The following CRLF1 variants were observed in gnomAD, a reference collection of about 807,000 sequenced individuals.
CRLF1 encodes the protein cytokine receptor like factor 1, also known as cytokine receptor-like factor 1.
A neutral mutation model predicts 48.9 loss-of-function variants in CRLF1; 36 were observed. The observed-to-expected ratio is 0.74, with a 90% CI of 0.56 to 0.97. CRLF1 has a LOEUF of 0.97. Ranked by LOEUF, CRLF1 falls within the 50% of genes least tolerant of loss-of-function variation. The pLI is 0.00. For missense variants in CRLF1, 534 were observed against 575.1 expected (o/e 0.93, Z 0.73); for synonymous variants, 256 against 253.4 (o/e 1.01, Z -0.10).
At chr19:18,599,257 C>G (rs1444529380) in intron 2 of CRLF1, 1 of 367,914 alleles carries the variant, frequency 2.7e-6, no homozygotes, top group Middle Eastern at 1.4e-3. Context: ...AGGTGCCTGT[C>G]AGCACGCCTG....
At chr19:18,594,032 T>TTTGGGGC in intron 8 of CRLF1, 33 bp downstream of exon 8, 2 of 695,804 alleles carry the variant, frequency 2.9e-6, no homozygotes, top group Non-Finnish European at 4.4e-6. Context: ...CTCCCCTTGC[T>TTTGGGGC]CCCTCCCGCC....
At chr19:18,604,996 G>T (rs960020245) in intron 1 of CRLF1, among the ~76,000 whole-genome samples, 1 of 152,110 alleles carries the variant, frequency 6.6e-6, no homozygotes, top group African/African-American at 2.4e-5. Flanking sequence ...CCCATCTCCC[G>T]TCCCGCTGGT....
intron 4 of CRLF1, among the ~76,000 whole-genome samples, chr19:18,597,667 C>T (rs968232405): frequency 6.6e-5 from 10 of 152,028 alleles, no homozygotes; most frequent in African/African-American, 1.4e-4. Context: ...CTCCTGACCT[C>T]GTGATCCGCC....
chr19:18,594,228 G>A lies in CRLF1; in HGVS notation c.1212+19C>T, dbSNP rs1373843662. On this transcript the variant is annotated intron_variant, in intron 7 of 8. Transcript: ENST00000392386. ...GCTCCCTGTCCCCACCCCCACGCCC[G>A]AGGGTCCCTCCTTCCTACCTGGTTG... 3 of 1,585,554 alleles carry A rather than the reference G, an allele frequency of 1.9e-6. No individual in the cohort carries two copies. The highest frequency in any genetic ancestry group is 2.6e-6 in the Non-Finnish European group (3 of 1,161,732).
At position 18,598,890 on chromosome 19, in the gene CRLF1, T is replaced by TCTCTGGGGG; in HGVS notation, c.400_408dup (p.Pro134_Glu136dup). 6.2e-7 allele frequency: 1 copy of TCTCTGGGGG among 1,613,868 alleles called. No individual in the cohort carries two copies. Among genetic ancestry groups the TCTCTGGGGG allele is most frequent in the Non-Finnish European group, 8.5e-7 (1 of 1,179,934 alleles). On this transcript the variant is annotated inframe_insertion, in exon 3 of 9. Transcript: ENST00000392386. ...GACCAGCAGCTGATGTTGACGGGTT[T>TCTCTGGGGG]CTCTGGGGGCACTGGGAGAAGGGGA...
intron 6 of CRLF1, among the ~76,000 whole-genome samples, chr19:18,594,763 CAT>C (rs1976108523): frequency 2.0e-5 from 3 of 151,622 alleles, no homozygotes; most frequent in Admixed American, 2.0e-4. Context: ...GGGGATGAGA[CAT>C]AGAGATAGAC....
Position 18,598,543 on chromosome 19 carries a change from G to A in CRLF1, c.586C>T (p.His196Tyr). Reference protein sequence around the residue: ...EYHTVGPHSCHIPKDLALFTP... With the variant: ...EYHTVGPHSCYIPKDLALFTP... ...AAGAGAGCCAGGTCCTTGGGGATGTGGCAGGAGTGGGGCCCCACTGTGTGG... is the reference window on the plus strand; with the variant it reads ...AAGAGAGCCAGGTCCTTGGGGATGTAGCAGGAGTGGGGCCCCACTGTGTGG... Residue 196 changes from histidine (H) to tyrosine (Y), a missense_variant, in exon 4 of 9, where the codon CAC becomes TAC. Coordinates refer to ENST00000392386, the MANE Select transcript of CRLF1 (RefSeq NM_004750.5). 6.2e-7 allele frequency: 1 copy of A among 1,614,132 alleles called. No homozygotes were observed. Among genetic ancestry groups the A allele is most frequent in the Non-Finnish European group, 8.5e-7 (1 of 1,179,996 alleles).
At chr19:18,605,481 G>C (rs887308896) in intron 1 of CRLF1, among the ~76,000 whole-genome samples, 1 of 152,216 alleles carries the variant, frequency 6.6e-6, no homozygotes, top group African/African-American at 2.4e-5. Flanking sequence ...GAACATCTGG[G>C]GCGAGTGGTG....
In CRLF1 at chr19:18,598,812, T is replaced by C. The variant is rs1393852610; in HGVS notation, c.487A>G (p.Thr163Ala). 3 of 1,613,802 alleles carry C rather than the reference T, an allele frequency of 1.9e-6. No homozygotes were observed. The highest frequency in any genetic ancestry group is 2.5e-6 in the Non-Finnish European group (3 of 1,179,922). Residue 163 changes from threonine to alanine, a missense_variant, in exon 3 of 9, where the codon ACC (threonine) becomes GCC (alanine). By Grantham distance (58) the Thr-to-Ala change is moderately conservative. This residue lies in a region of CRLF1 where 528 missense variants were observed against 555.7 expected (regional missense o/e 0.95). Coordinates refer to ENST00000392386, the MANE Select transcript of CRLF1 (RefSeq NM_004750.5). Reference protein sequence around the residue: ...CRWTPGAHGETFLHTNYSLKY... With the variant: ...CRWTPGAHGEAFLHTNYSLKY... ...AGGGAGTAGTTGGTGTGGAGGAAGG[T>C]CTCCCCGTGGGCCCCTGGCGTCCAG... is the stretch of plus-strand genomic sequence containing the variant.
rs748473690 is a variant in CRLF1 at position 18,599,842 on chromosome 19, T to A, written c.120A>T (p.Thr40=). The part of the protein sequence containing the change: ...GAPRAGSGAH[T]AVISPQDPTL... The stretch of plus-strand genomic sequence containing the variant: ...TGGGATCCTGGGGACTGATCACAGC[T>A]GTGTCTGGGGTCAAAGAGGAACACG... The change falls in exon 2 of 9, where the codon ACA becomes ACT. Residue 40 remains threonine (T), a synonymous_variant. Coordinates refer to ENST00000392386, the MANE Select transcript of CRLF1 (RefSeq NM_004750.5). The A allele has an allele frequency of 3.3e-6, 5 of 1,529,452 alleles. No homozygotes were observed. In the African/African-American group the frequency reaches 5.5e-5, roughly 17 times the overall value. 94.7% of individuals were successfully genotyped at this position (1,529,452 alleles called of 1,614,324 possible). A position where few individuals can be genotyped will look rare whatever the true frequency, so the allele number is the denominator to read the frequency against.
intron 1 of CRLF1, among the ~76,000 whole-genome samples, chr19:18,600,248 G>A (rs935662810): frequency 5.9e-5 from 9 of 152,168 alleles, no homozygotes; most frequent in African/African-American, 2.2e-4. Context: ...GCCCAGGCTG[G>A]AGTGCAGTGG....
intron 8 of CRLF1, 186 bp downstream of exon 8, chr19:18,593,879 G>C (rs1450752899): frequency 1.0e-6 from 1 of 984,352 alleles, no homozygotes; most frequent in East Asian, 1.1e-4. Context: ...TAGGCTAAAG[G>C]AGACAATGCC....
chr19:18,593,718 C>T lies in CRLF1; in HGVS notation c.1256-139G>A, dbSNP rs7256319. 0.59 allele frequency: 891,915 copies of T among 1,520,116 alleles called. 263,778 individuals are homozygous for T. The highest frequency in any genetic ancestry group is 0.72 in the African/African-American group (51,915 of 72,600). The allele number at this position is 1,520,116 out of a possible 1,614,324, so 94.2% of individuals were successfully genotyped here. ...CTTTGGGCAGGGTCCTGCCCCTCTC[C>T]GGGCCTTGGCGAGGCTATCTGAGCT... On this transcript the variant is annotated intron_variant, in intron 8 of 8. Transcript: ENST00000392386.
intron 4 of CRLF1, among the ~76,000 whole-genome samples, 192 bp from the exon 5 acceptor site, chr19:18,597,241 T>C (rs1395982533): frequency 6.6e-6 from 1 of 152,132 alleles, no homozygotes; most frequent in East Asian, 1.9e-4. Flanking sequence ...CTAATTAATG[T>C]TAGCTGTTAT....
chr19:18,599,210 A>T (rs930184585), intron 2 of CRLF1: 229 of 681,748 alleles, frequency 3.4e-4, no homozygotes, highest in Non-Finnish European at 4.0e-4. Context: ...GGTTCAAGCA[A>T]TTCTCCTGTC....
rs1382993316 is a variant in CRLF1, at chr19:18,599,846, T to C, written c.116A>G (p.His39Arg). ...ATCCTGGGGACTGATCACAGCTGTG[T>C]CTGGGGTCAAAGAGGAACACGTGTC... ...LGAPRAGSGA[H>R]TAVISPQDPT... The change falls in exon 2 of 9, where the codon CAC (histidine) becomes CGC (arginine). Residue 39 changes from histidine to arginine, a missense_variant and splice_region_variant. Transcript: ENST00000392386. 6.6e-7 allele frequency: 1 copy of C among 1,522,836 alleles called. No individual in the cohort carries two copies. Among genetic ancestry groups the C allele is most frequent in the East Asian group, 2.3e-5 (1 of 43,570 alleles). The allele number at this position is 1,522,836 out of a possible 1,614,324, so 94.3% of individuals were successfully genotyped here.
At chr19:18,594,960 G>C (rs2145327488) in intron 6 of CRLF1, among the ~76,000 whole-genome samples, 1 of 152,200 alleles carries the variant, frequency 6.6e-6, no homozygotes, top group East Asian at 1.9e-4. Flanking sequence ...TCGAGACAGA[G>C]ACACAGAGGA....
In CRLF1 at chr19:18,594,457, T is replaced by G. The variant is rs1014306022; in HGVS notation, c.1025-23A>C. 3 of 1,333,330 alleles carry G rather than the reference T, an allele frequency of 2.3e-6. No homozygotes were observed. The South Asian group carries it at 6.2e-5, about 27-fold the overall frequency. 82.6% of individuals were successfully genotyped at this position (1,333,330 alleles called of 1,614,324 possible). A position where few individuals can be genotyped will look rare whatever the true frequency, so the allele number is the denominator to read the frequency against. The stretch of plus-strand genomic sequence containing the variant: ...GCTCTGGTGGTGGGCGGAGCGGCAG[T>G]GTCAGAGCGCGCCCGGCAGGGGGTG... On this transcript the variant is annotated intron_variant, in intron 6 of 8. Transcript: ENST00000392386.
intron 1 of CRLF1, among the ~76,000 whole-genome samples, chr19:18,605,440 C>T (rs1195008126): frequency 6.6e-6 from 1 of 152,234 alleles, no homozygotes. Context: ...CGGGGTGGCC[C>T]GTGCGCCTGG....
Sources: allele counts gnomAD v4.1 joint callset (sites outside exome capture counted in the v4.1 genomes callset), GRCh38; gene constraint gnomAD v4.1.1; regional missense constraint gnomAD v4.1.1; transcripts MANE v1.5; gene names NCBI Gene and HGNC (gene_info 2026-07-23, HGNC 2026-07-21).